MMP26: variants seen among roughly 807,000 people sequenced by gnomAD.
MMP26 encodes the protein matrix metallopeptidase 26, also known as matrix metalloproteinase-26.
In MMP26, 33 loss-of-function variants were observed where a neutral mutation model predicts 31.0. The ratio of observed to expected loss-of-function variants is 1.06; its 90% CI spans 0.81 to 1.42. The LOEUF is 1.42. Ranked by LOEUF, MMP26 falls within the 40% of genes most tolerant of loss-of-function variation. MMP26 has a pLI of 0.00. For missense variants in MMP26, 347 were observed against 316.1 expected (o/e 1.10, Z -0.74); for synonymous variants, 122 against 114.9 (o/e 1.06, Z -0.40).
intron 2 of MMP26, among the ~76,000 whole-genome samples, chr11:4,791,824 C>T (rs1564910531): frequency 6.6e-6 from 1 of 151,948 alleles, no homozygotes; most frequent in Non-Finnish European, 1.5e-5. Flanking sequence ...TTCTCAGATT[C>T]CTGCTTCCCA....
In MMP26 at chr11:4,887,107, TTATATGA is replaced by T. The variant is rs922048189; in HGVS notation, c.-144-100955_-144-100949del. ...TGATTATATGTTACATTTTCAGATC[TTATATGA>T]TATATATTAGTGTGATTATTCTATT... On this transcript the variant is annotated intron_variant, in intron 2 of 7. Coordinates refer to ENST00000380390, the MANE Select transcript of MMP26 (RefSeq NM_021801.5). Among the ~76,000 whole-genome samples, 8 of 152,186 alleles carry T rather than the reference TTATATGA, an allele frequency of 5.3e-5. No individual in the cohort carries two copies. The Middle Eastern group carries it at 0.01, about 194-fold the overall frequency.
intron 2 of MMP26, among the ~76,000 whole-genome samples, chr11:4,982,106 TAC>T (rs1846822799): frequency 6.6e-6 from 1 of 151,850 alleles, no homozygotes; most frequent in African/African-American, 2.4e-5. Flanking sequence ...CATACATATA[TAC>T]AATATACATA....
At chr11:4,799,386 C>G (rs1015335177) in intron 2 of MMP26, among the ~76,000 whole-genome samples, 10 of 151,938 alleles carry the variant, frequency 6.6e-5, no homozygotes, top group African/African-American at 2.4e-4. Flanking sequence ...GTCTCAGGCT[C>G]TATTAAACAA....
intron 2 of MMP26, among the ~76,000 whole-genome samples, chr11:4,872,821 T>C (rs1045065460): frequency 6.6e-6 from 1 of 152,004 alleles, no homozygotes; most frequent in African/African-American, 2.4e-5. Flanking sequence ...TCCTGTCCTA[T>C]TGCTGTGAGG....
intron 2 of MMP26, chr11:4,860,557 T>C (rs910863631): frequency 6.5e-6 from 3 of 462,924 alleles, no homozygotes; most frequent in Non-Finnish European, 9.0e-6. Flanking sequence ...TGCATTCAAG[T>C]TCGTCATGTT....
chr11:4,931,733 T>A (rs77922434), intron 2 of MMP26, among the ~76,000 whole-genome samples: 1,730 of 152,050 alleles, frequency 0.011, 32 homozygotes, highest in African/African-American at 0.04. Flanking sequence ...CAGGAAGATA[T>A]GAAATTTAGT....
rs74052692 is a variant in MMP26 at position 4,955,033 on chromosome 11, C to A, written c.-144-33035C>A. On this transcript the variant is annotated intron_variant, in intron 2 of 7. Transcript: ENST00000380390. ...GCTCCTCCTTTTTGGATGCAATTCCCGGTACAGTCTTGAGGATCAGGGTGT... is the reference window on the plus strand; with the variant it reads ...GCTCCTCCTTTTTGGATGCAATTCCAGGTACAGTCTTGAGGATCAGGGTGT... The A allele has an allele frequency of 2.9e-4, 420 of 1,448,582 alleles. 44 individuals carry two copies. In the African/African-American group the frequency reaches 4.8e-3, roughly 17 times the overall value. The allele number at this position is 1,448,582 out of a possible 1,614,324, so 89.7% of individuals were successfully genotyped here.
intron 2 of MMP26, among the ~76,000 whole-genome samples, chr11:4,880,553 TAATC>T (rs1850446676): frequency 6.6e-6 from 1 of 152,134 alleles, no homozygotes; most frequent in Admixed American, 6.6e-5. Context: ...AATTGTTTGG[TAATC>T]AATCAATGTT....
At chr11:4,707,502 G>T (rs989664525) in intron 1 of MMP26, among the ~76,000 whole-genome samples, 1 of 152,136 alleles carries the variant, frequency 6.6e-6, no homozygotes, top group Non-Finnish European at 1.5e-5. Context: ...TTGAGAGGCT[G>T]CTTCCTCATT....
At chr11:4,925,179 A>C (rs1851252513) in intron 2 of MMP26, among the ~76,000 whole-genome samples, 1 of 152,168 alleles carries the variant, frequency 6.6e-6, no homozygotes, top group South Asian at 2.1e-4. Context: ...TAGCGCAGAG[A>C]GGTAAAGTGA....
At chr11:4,789,704 C>G (rs1384299635) in intron 2 of MMP26, among the ~76,000 whole-genome samples, 7 of 151,460 alleles carry the variant, frequency 4.6e-5, no homozygotes, top group Admixed American at 2.0e-4. Context: ...CCACACCCAG[C>G]TAATTTTTTG....
chr11:4,746,872 CACACAA>C lies in MMP26; in HGVS notation c.-216-20396_-216-20391del, dbSNP rs1457600391. Among the ~76,000 whole-genome samples, 114 of 145,802 alleles carry C rather than the reference CACACAA, an allele frequency of 7.8e-4. No homozygotes were observed. In the East Asian group the frequency reaches 0.014, roughly 17 times the overall value. ...ACACACACACACACACACACACACA[CACACAA>C]AGGCTATACATTGGAATAATGTTCT... is the stretch of plus-strand genomic sequence containing the variant. On this transcript the variant is annotated intron_variant, in intron 1 of 7. Transcript: ENST00000380390.
intron 2 of MMP26, among the ~76,000 whole-genome samples, chr11:4,968,679 T>C (rs1427355618): frequency 6.6e-6 from 1 of 151,916 alleles, no homozygotes; most frequent in African/African-American, 2.4e-5. Flanking sequence ...AATTTCTTAT[T>C]AAGAGCAGAC....
At chr11:4,774,746 T>C (rs1848769087) in intron 2 of MMP26, among the ~76,000 whole-genome samples, 1 of 152,146 alleles carries the variant, frequency 6.6e-6, no homozygotes, top group South Asian at 2.1e-4. Context: ...TCTTCTAGGG[T>C]TTTTATAGTT....
Position 4,989,703 on chromosome 11 carries a change from A to G in MMP26, c.155A>G (p.Glu52Gly). ...TKKESPLLTQ[E>G]TQTQLLQQFH... ...AAGGAGTCGCCACTCCTTACCCAGG[A>G]GACACAAACACAGCTCCTGCAACAA... The change falls in exon 4 of 8, where the codon GAG becomes GGG. Residue 52 changes from glutamate to glycine, a missense_variant. Coordinates refer to ENST00000380390, the MANE Select transcript of MMP26 (RefSeq NM_021801.5). 1 of 1,613,866 alleles carries G rather than the reference A, an allele frequency of 6.2e-7. No individual in the cohort carries two copies. Among genetic ancestry groups the G allele is most frequent in the South Asian group, 1.1e-5 (1 of 91,058 alleles).
At chr11:4,790,029 A>G (rs1176978249) in intron 2 of MMP26, among the ~76,000 whole-genome samples, 3 of 152,190 alleles carry the variant, frequency 2.0e-5, no homozygotes, top group Non-Finnish European at 4.4e-5. Context: ...ATTGAAAATT[A>G]TAATACACAA....
chr11:4,862,110 C>T (rs1398256099), intron 2 of MMP26, among the ~76,000 whole-genome samples: 1 of 152,166 alleles, frequency 6.6e-6, no homozygotes, highest in East Asian at 1.9e-4. Flanking sequence ...TAGTGAAGCT[C>T]TCCTTTACCT....
intron 2 of MMP26, among the ~76,000 whole-genome samples, chr11:4,897,439 A>G (rs1268447706): frequency 6.6e-6 from 1 of 152,188 alleles, no homozygotes; most frequent in Non-Finnish European, 1.5e-5. Flanking sequence ...TGCCCGGCCT[A>G]TATTTTTAAT....
At chr11:4,777,482 T>C (rs1470100502) in intron 2 of MMP26, among the ~76,000 whole-genome samples, 1 of 152,170 alleles carries the variant, frequency 6.6e-6, no homozygotes, top group African/African-American at 2.4e-5. Context: ...TTTATTGAAG[T>C]ATACATACAT....
Sources: gnomAD v4.1 joint callset for allele counts (sites outside exome capture counted in the v4.1 genomes callset) on GRCh38, gnomAD v4.1.1 for gene constraint, MANE v1.5 for transcripts, NCBI Gene and HGNC (gene_info 2026-07-23, HGNC 2026-07-21) for gene names.